ESYT3: variants seen among roughly 807,000 people sequenced by gnomAD.
ESYT3 encodes extended synaptotagmin 3.
A neutral mutation model predicts 111.5 loss-of-function variants in ESYT3; 101 were observed. That is an observed-to-expected ratio of 0.91 (90% confidence interval 0.77 to 1.07). ESYT3 has a LOEUF of 1.07. ESYT3 is among the 50% of genes least tolerant of loss of function. The pLI, the probability that ESYT3 is intolerant of heterozygous loss-of-function variation, is 0.00. For synonymous variants in ESYT3, 416 were observed against 446.8 expected, an observed-to-expected ratio of 0.93 and a Z score of 0.87; for missense variants, 1,097 against 1,109.4, an observed-to-expected ratio of 0.99 and a Z score of 0.16.
At chr3:138,459,337 G>A in intron 5 of ESYT3, 84 bp downstream of exon 5, 1 of 1,141,962 alleles carries the variant, frequency 8.8e-7, no homozygotes, top group Non-Finnish European at 1.2e-6. Context: ...TGCCAGAGTA[G>A]GCCGCAGAAG....
chr3:138,477,825 C>T lies in ESYT3; in HGVS notation c.*971C>T, dbSNP rs2033557091. 1.3e-5 allele frequency: 2 copies of T among 152,356 alleles called. No homozygotes were observed. Among genetic ancestry groups the T allele is most frequent in the South Asian group, 2.1e-4 (1 of 4,834 alleles). The allele number at this position is 152,356 out of a possible 1,614,324, so 9.4% of individuals were successfully genotyped here. On this transcript the variant is annotated 3_prime_UTR_variant, in exon 23 of 23. Coordinates refer to ENST00000389567, the MANE Select transcript of ESYT3 (RefSeq NM_031913.5). ...ATCCCCTCCAACATTCCTGGACCTC[C>T]TCTTCTCTCTTACCAACACCAACAC...
rs774430385 is a variant in ESYT3 at position 138,435,136 on chromosome 3, C to T, written c.327+11C>T. 7 of 1,564,144 alleles carry T rather than the reference C, an allele frequency of 4.5e-6. No individual in the cohort carries two copies. In the Admixed American group the frequency reaches 9.1e-5, roughly 20 times the overall value. ...CACCTGCCAGCCTGGGTGAGCCAAG[C>T]CGGGTGGGAGTGGGAGGTGGGGAGA... On this transcript the variant is annotated intron_variant, in intron 1 of 22. Coordinates refer to ENST00000389567, the MANE Select transcript of ESYT3 (RefSeq NM_031913.5). The surrounding 1 kb of genome is among the most constrained non-coding windows in gnomAD (Gnocchi z 4.8).
At chr3:138,448,852 G>A (rs1363898292) in intron 1 of ESYT3, among the ~76,000 whole-genome samples, 2 of 152,184 alleles carry the variant, frequency 1.3e-5, no homozygotes, top group Non-Finnish European at 2.9e-5. Flanking sequence ...GAAGGCAGGT[G>A]TTGAGATTCA....
intron 7 of ESYT3, among the ~76,000 whole-genome samples, chr3:138,461,578 C>T (rs548515277): frequency 6.6e-6 from 1 of 152,312 alleles, no homozygotes; most frequent in South Asian, 2.1e-4. Flanking sequence ...GGCATGCATT[C>T]TTTTATTCAA....
At chr3:138,474,182 CCT>C (rs1491281712) in intron 19 of ESYT3, 37 bp from the exon 20 acceptor site, 3 of 1,578,888 alleles carry the variant, frequency 1.9e-6, no homozygotes, top group Non-Finnish European at 2.6e-6. Context: ...AAACCAGGGC[CCT>C]TTTTTTTTTT....
At chr3:138,472,003 A>C (rs775305766) in intron 17 of ESYT3, among the ~76,000 whole-genome samples, 1 of 152,188 alleles carries the variant, frequency 6.6e-6, no homozygotes, top group African/African-American at 2.4e-5. Flanking sequence ...TCCCACCTTC[A>C]TGGGTCTTCC....
chr3:138,436,157 C>A (rs1036450354), intron 1 of ESYT3, among the ~76,000 whole-genome samples: 9 of 152,222 alleles, frequency 5.9e-5, no homozygotes, highest in Non-Finnish European at 1.3e-4. Flanking sequence ...TGAAGTCTTA[C>A]TGTATCAGTC....
At chr3:138,459,079 A>G (rs1283952776) in intron 4 of ESYT3, 108 bp from the exon 5 acceptor site, 15 of 828,936 alleles carry the variant, frequency 1.8e-5, no homozygotes, top group Non-Finnish European at 2.8e-5. Flanking sequence ...AGGGTCGGCA[A>G]CTGGCTGCCT....
chr3:138,441,373 G>C (rs935419585), intron 1 of ESYT3, among the ~76,000 whole-genome samples: 1 of 152,174 alleles, frequency 6.6e-6, no homozygotes, highest in African/African-American at 2.4e-5. Context: ...CCATGAGTAG[G>C]GACAGACCCT....
At chr3:138,465,619 C>T (rs1309035868) in intron 10 of ESYT3, among the ~76,000 whole-genome samples, 198 bp downstream of exon 10, 1 of 152,222 alleles carries the variant, frequency 6.6e-6, no homozygotes, top group East Asian at 1.9e-4. Context: ...AAGTGCCCAG[C>T]CCTGACCTAG....
chr3:138,473,589 A>G lies in ESYT3; in HGVS notation c.2291A>G (p.Tyr764Cys), dbSNP rs773319385. ...QLGEIQLTVR[Y>C]VCLRRCLSVL... ...GGTGAGATTCAGCTCACAGTGCGCT[A>G]TGTGTGTCTGCGGCGCTGCCTCAGC... The change falls in exon 19 of 23, where the codon TAT (tyrosine) becomes TGT (cysteine). Residue 764 changes from tyrosine to cysteine, a missense_variant. By Grantham distance (194) the Tyr-to-Cys change is radical (BLOSUM62 -2). Coordinates refer to ENST00000389567, the MANE Select transcript of ESYT3 (RefSeq NM_031913.5). 12 of 1,613,792 alleles carry G rather than the reference A, an allele frequency of 7.4e-6. No homozygotes were observed. Among genetic ancestry groups the G allele is most frequent in the African/African-American group, 2.7e-5 (2 of 74,912 alleles).
intron 1 of ESYT3, among the ~76,000 whole-genome samples, chr3:138,443,756 G>GTGTGTGTGTGTGTGTGAGACT (rs1553810678): frequency 2.0e-5 from 3 of 151,488 alleles, no homozygotes; most frequent in African/African-American, 7.3e-5. Flanking sequence ...GTGTGTGTGT[G>GTGTGTGTGTGTGTGTGAGACT]ACATGGCTGC....
intron 1 of ESYT3, among the ~76,000 whole-genome samples, chr3:138,439,863 C>T (rs1196127034): frequency 2.0e-5 from 3 of 152,210 alleles, no homozygotes; most frequent in Non-Finnish European, 1.5e-5. Context: ...GCTCTCCTTT[C>T]AGCTGGTAGC....
chr3:138,475,072 T>C (rs1030218592), intron 20 of ESYT3, among the ~76,000 whole-genome samples: 2 of 152,190 alleles, frequency 1.3e-5, no homozygotes, highest in African/African-American at 4.8e-5. Flanking sequence ...CTAAGAACTA[T>C]TATGTTCCTT....
Position 138,434,882 on chromosome 3 carries a change from C to T in ESYT3, c.84C>T (p.Ser28=), listed in dbSNP as rs1301359346. 6 of 1,550,562 alleles carry T rather than the reference C, an allele frequency of 3.9e-6. No homozygotes were observed. Among genetic ancestry groups the T allele is most frequent in the Non-Finnish European group, 5.2e-6 (6 of 1,147,050 alleles). ...CGCCGGGCCCCGAGCTGCGCCTGTC[C>T]AGCCAGCTGCTGCCCGAGCTCTGTA... ...QRTPGPELRL[S]SQLLPELCTF... Residue 28 remains serine (S), a synonymous_variant, in exon 1 of 23, where the codon TCC becomes TCT. Coordinates refer to ENST00000389567, the MANE Select transcript of ESYT3 (RefSeq NM_031913.5).
chr3:138,475,986 C>A (rs1166651392), intron 20 of ESYT3, among the ~76,000 whole-genome samples: 1 of 152,164 alleles, frequency 6.6e-6, no homozygotes, highest in Non-Finnish European at 1.5e-5. Flanking sequence ...TAAGCCACAG[C>A]AGTCTGAGGC....
Position 138,474,319 on chromosome 3 carries a change from A to G in ESYT3, c.2435A>G (p.Lys812Arg), listed in dbSNP as rs770610673. The G allele has an allele frequency of 1.2e-6, 2 of 1,603,528 alleles. No homozygotes were observed. Among genetic ancestry groups the G allele is most frequent in the South Asian group, 1.1e-5 (1 of 88,072 alleles). ...KWACRKKTSV[K>R]RKTLEPLFDE... is the part of the protein sequence containing the mutation. Reference sequence around the variant, plus strand: ...GCATGTCGTAAGAAGACTTCAGTGAAGCGGAAGACCTTGGAACCCCTGTTT... The same window carrying G: ...GCATGTCGTAAGAAGACTTCAGTGAGGCGGAAGACCTTGGAACCCCTGTTT... The change falls in exon 20 of 23, where the codon AAG becomes AGG. Residue 812 changes from lysine (K) to arginine (R), a missense_variant. Physicochemically the swap from Lys to Arg is conservative, Grantham distance 26. Coordinates refer to ENST00000389567, the MANE Select transcript of ESYT3 (RefSeq NM_031913.5).
intron 3 of ESYT3, among the ~76,000 whole-genome samples, chr3:138,456,912 T>C (rs2032308678): frequency 6.6e-6 from 1 of 152,186 alleles, no homozygotes; most frequent in Admixed American, 6.5e-5. Flanking sequence ...AGCTGCAGGC[T>C]GAACAGATGT....
At chr3:138,454,037 T>G (rs190629130) in intron 2 of ESYT3, among the ~76,000 whole-genome samples, 1 of 151,996 alleles carries the variant, frequency 6.6e-6, no homozygotes, top group East Asian at 1.9e-4. Context: ...AATGTGAAAA[T>G]AGCAATCTTG....
Sources: gnomAD v4.1 joint callset for allele counts (sites outside exome capture counted in the v4.1 genomes callset) on GRCh38, gnomAD v4.1.1 for gene constraint, Gnocchi (gnomAD v3.1) non-coding constraint, MANE v1.5 for transcripts, NCBI Gene and HGNC (gene_info 2026-07-23, HGNC 2026-07-21) for gene names.